Variants in P4HTM observed in about 807,000 individuals in gnomAD.
The protein encoded by P4HTM is transmembrane prolyl 4-hydroxylase.
In P4HTM, 33 loss-of-function variants were observed where a neutral mutation model predicts 55.3. That is an observed-to-expected ratio of 0.60 (90% confidence interval 0.45 to 0.80). P4HTM has a LOEUF of 0.80. P4HTM is among the 30% of genes least tolerant of loss of function. The probability of loss-of-function intolerance (pLI) is 0.00; values close to 1 mark genes in which losing one functional copy is unlikely to be tolerated. For missense variants in P4HTM, 542 were observed against 696.5 expected (o/e 0.78, Z 2.50); for synonymous variants, 272 against 286.4 (o/e 0.95, Z 0.51).
chr3:48,990,135 C>T (rs1372474326), upstream of P4HTM: 2 of 960,196 alleles, frequency 2.1e-6, no homozygotes, highest in Non-Finnish European at 2.5e-6. This position sits in a 1 kb window ranked among gnomAD's most constrained non-coding sequence, Gnocchi z 7.2. Flanking sequence ...GGGCTCAGCA[C>T]CCCCAGGCAC....
intron 5 of P4HTM, 27 bp from the exon 6 acceptor site, chr3:49,004,834 C>G (rs2092971620): frequency 1.3e-6 from 2 of 1,584,676 alleles, no homozygotes; most frequent in South Asian, 1.1e-5. Flanking sequence ...CCTGGGGCTG[C>G]CCAGCCAAAT....
chr3:48,996,911 A>G (rs999301026), intron 2 of P4HTM, among the ~76,000 whole-genome samples: 2 of 152,148 alleles, frequency 1.3e-5, no homozygotes, highest in African/African-American at 4.8e-5. Context: ...CCAGGCTGTC[A>G]TCCTAGGCCT....
At position 49,002,569 on chromosome 3, in the gene P4HTM, G is replaced by A. The variant is rs34281016; in HGVS notation, c.697G>A (p.Ala233Thr). 9.9e-5 allele frequency: 159 copies of A among 1,613,788 alleles called. No individual in the cohort carries two copies. The highest frequency in any genetic ancestry group is 5.2e-4 in the African/African-American group (39 of 75,040). ...TPESIQEMYA[A>T]IKADPDGDGV... ...AGAGAGCATTCAGGAGATGTACGCC[G>A]CGATCAAGGCTGACCCTGATGGTGA... is the stretch of plus-strand genomic sequence containing the variant. The change falls in exon 4 of 9, where the codon GCG (alanine) becomes ACG (threonine). Residue 233 changes from alanine to threonine, a missense_variant. By Grantham distance (58) the Ala-to-Thr change is moderately conservative (BLOSUM62 0). This residue lies in a region of P4HTM where 536 missense variants were observed against 672.1 expected (regional missense o/e 0.80). Coordinates refer to ENST00000383729, the MANE Select transcript of P4HTM (RefSeq NM_177939.3). The surrounding 1 kb of genome is among the most constrained non-coding windows in gnomAD (Gnocchi z 4.4).
chr3:49,002,638 C>T lies in P4HTM; in HGVS notation c.724+42C>T, dbSNP rs1460442900. On this transcript the variant is annotated intron_variant, in intron 4 of 8. Coordinates refer to ENST00000383729, the MANE Select transcript of P4HTM (RefSeq NM_177939.3). The surrounding 1 kb of genome is among the most constrained non-coding windows in gnomAD (Gnocchi z 4.4). ...GCACAGTCCTATCCCCGTGAGCCTC[C>T]TGCCCACTCCCAGGTGCACAATTTT... 1.1e-5 allele frequency: 16 copies of T among 1,455,626 alleles called. No homozygotes were observed. Among genetic ancestry groups the T allele is most frequent in the Non-Finnish European group, 1.4e-5 (15 of 1,035,242 alleles). 90.2% of individuals were successfully genotyped at this position (1,455,626 alleles called of 1,614,324 possible). A position where few individuals can be genotyped will look rare whatever the true frequency, so the allele number is the denominator to read the frequency against.
chr3:48,992,172 C>T (rs560503325), intron 2 of P4HTM: 1 of 152,262 alleles, frequency 6.6e-6, no homozygotes, highest in South Asian at 2.1e-4. Context: ...TGAAACAAAA[C>T]CCTGAAGCTG....
At chr3:49,003,445 G>A (rs1417614060) in intron 4 of P4HTM, 3 of 156,040 alleles carry the variant, frequency 1.9e-5, no homozygotes, top group African/African-American at 7.2e-5. Context: ...GAATAACATG[G>A]AGCAAAGATA....
chr3:48,994,993 G>C (rs992538109), intron 2 of P4HTM, among the ~76,000 whole-genome samples: 1 of 152,028 alleles, frequency 6.6e-6, no homozygotes, highest in Non-Finnish European at 1.5e-5. Flanking sequence ...TAGAGATGGG[G>C]TTTCACCATG....
Position 48,990,452 on chromosome 3 carries a change from G to A in P4HTM, c.196G>A (p.Val66Met). Residue 66 changes from valine (V) to methionine (M), a missense_variant, in exon 1 of 9, where the codon GTG (valine) becomes ATG (methionine). Coordinates refer to ENST00000383729, the MANE Select transcript of P4HTM (RefSeq NM_177939.3). The surrounding 1 kb of genome is among the most constrained non-coding windows in gnomAD (Gnocchi z 7.2). ...GCGCGCCTACTTCCTGGTGCTGATG[G>A]TGTTCGTGCACCTGTACCTGGGTAA... ...CSRAYFLVLM[V>M]FVHLYLGNVL... 6.2e-7 allele frequency: 1 copy of A among 1,610,606 alleles called. No homozygotes were observed. The highest frequency in any genetic ancestry group is 8.5e-7 in the Non-Finnish European group (1 of 1,179,316).
chr3:49,005,861 T>C lies in P4HTM; in HGVS notation c.1158T>C (p.Asp386=), dbSNP rs2092977609. The change falls in exon 7 of 9, where the codon GAT becomes GAC. Residue 386 remains aspartate (D), a synonymous_variant. Coordinates refer to ENST00000383729, the MANE Select transcript of P4HTM (RefSeq NM_177939.3). ...VFPVADNRTY[D]EMSLIQDDVD... ...CTGTAGCAGATAACAGAACCTACGATGAAATGGTAAGGGTCAACTGGGCTA... is the reference window on the plus strand; with the variant it reads ...CTGTAGCAGATAACAGAACCTACGACGAAATGGTAAGGGTCAACTGGGCTA... 6.5e-7 allele frequency: 1 copy of C among 1,546,896 alleles called. No homozygotes were observed.
chr3:48,995,290 T>C (rs2092942466), intron 2 of P4HTM, among the ~76,000 whole-genome samples: 1 of 152,086 alleles, frequency 6.6e-6, no homozygotes, highest in Admixed American at 6.5e-5. Context: ...ATTCCCTCAC[T>C]AAAAGGCTTA....
chr3:49,004,281 T>C (rs1490506573), intron 5 of P4HTM, 21 bp downstream of exon 5: 2 of 1,536,030 alleles, frequency 1.3e-6, no homozygotes, highest in Middle Eastern at 2.3e-4. Flanking sequence ...GAAGCTGTTC[T>C]CACTGGAGCA....
intron 2 of P4HTM, among the ~76,000 whole-genome samples, chr3:48,992,878 G>C (rs1330335181): frequency 6.6e-6 from 1 of 151,634 alleles, no homozygotes; most frequent in Non-Finnish European, 1.5e-5. Context: ...TGTTAGCCAG[G>C]ATGGTCTCAA....
At chr3:49,006,573 T>C (rs1045141241) in intron 8 of P4HTM, 114 bp from the exon 9 acceptor site, 1 of 804,090 alleles carries the variant, frequency 1.2e-6, no homozygotes, top group African/African-American at 1.7e-5. Context: ...TAGGTCTGGG[T>C]GTTTGCTACA....
chr3:49,002,311 C>T lies in P4HTM; in HGVS notation c.628-189C>T, dbSNP rs1198332274. ...ATGGCCTACGCCTCTTGACCCCCAG[C>T]CCCCGGCCTTCTCCTCAGATGCTCT... is the stretch of plus-strand genomic sequence containing the variant. On this transcript the variant is annotated intron_variant, in intron 3 of 8. Transcript: ENST00000383729. This position sits in a 1 kb window ranked among gnomAD's most constrained non-coding sequence, Gnocchi z 4.4. Among the ~76,000 whole-genome samples the T allele has an allele frequency of 6.6e-6, 1 of 152,262 alleles. No individual in the cohort carries two copies. Among genetic ancestry groups the T allele is most frequent in the Non-Finnish European group, 1.5e-5 (1 of 68,044 alleles).
upstream of P4HTM, chr3:48,990,208 C>T (rs2092926305): frequency 8.8e-7 from 1 of 1,133,020 alleles, no homozygotes; most frequent in South Asian, 4.4e-5. This position sits in a 1 kb window ranked among gnomAD's most constrained non-coding sequence, Gnocchi z 7.2. Flanking sequence ...CTGCGCAGCG[C>T]GGGCACCCCC....
At chr3:49,000,830 G>T (rs1232131897) in intron 2 of P4HTM, among the ~76,000 whole-genome samples, 1 of 152,180 alleles carries the variant, frequency 6.6e-6, no homozygotes, top group African/African-American at 2.4e-5. Context: ...AGGAAGCAAA[G>T]GACACCTGGG....
intron 4 of P4HTM, 48 bp from the exon 5 acceptor site, chr3:49,004,050 C>T: frequency 2.0e-6 from 3 of 1,521,818 alleles, no homozygotes; most frequent in Non-Finnish European, 2.7e-6. Flanking sequence ...GCCACTGTTG[C>T]CTCCCAATAT....
In P4HTM at chr3:48,990,315, CGAG is replaced by C. The variant is rs1553727051; in HGVS notation, c.61_63del (p.Arg21del). ...GAGACCGCGGCGGCCGAGGAGGCCT[CGAG>C]GCCGCAGTGGGCGCCGCCAGACCAC... On this transcript the variant is annotated inframe_deletion, in exon 1 of 9. Transcript: ENST00000383729. The surrounding 1 kb of genome is among the most constrained non-coding windows in gnomAD (Gnocchi z 7.2). The C allele has an allele frequency of 5.0e-6, 7 of 1,399,930 alleles. No individual in the cohort carries two copies. The highest frequency in any genetic ancestry group is 4.6e-6 in the Non-Finnish European group (5 of 1,083,090). The allele number at this position is 1,399,930 out of a possible 1,614,324, so 86.7% of individuals were successfully genotyped here. A position where few individuals can be genotyped will look rare whatever the true frequency, so the allele number is the denominator to read the frequency against.
chr3:48,993,359 A>G (rs1284902279), intron 2 of P4HTM, among the ~76,000 whole-genome samples: 5 of 151,986 alleles, frequency 3.3e-5, no homozygotes, highest in African/African-American at 4.8e-5. Flanking sequence ...ATAAAGCCAG[A>G]TGACTGTCAG....
Sources: allele counts gnomAD v4.1 joint callset (sites outside exome capture counted in the v4.1 genomes callset), GRCh38; gene constraint gnomAD v4.1.1; regional missense constraint gnomAD v4.1.1; non-coding constraint Gnocchi (gnomAD v3.1); transcripts MANE v1.5; gene names NCBI Gene and HGNC (gene_info 2026-07-23, HGNC 2026-07-21).